The following PHC1 variants were observed in gnomAD, a reference collection of about 807,000 sequenced individuals.
PHC1 encodes polyhomeotic-like protein 1.
Under a neutral mutation model 104.3 loss-of-function variants are expected in PHC1, and 12 were observed. The ratio of observed to expected loss-of-function variants is 0.12; its 90% CI spans 0.07 to 0.19. The LOEUF (loss-of-function observed/expected upper bound fraction) is 0.19. Among genes scored for constraint, PHC1 ranks in the 10% least tolerant of loss-of-function variants. The probability of loss-of-function intolerance (pLI) is 1.00; values close to 1 mark genes in which losing one functional copy is unlikely to be tolerated. For synonymous variants in PHC1, 302 were observed against 455.8 expected (o/e 0.66, Z 4.30); for missense variants, 671 against 1,200.0 (o/e 0.56, Z 6.51).
At position 8,931,788 on chromosome 12, in the gene PHC1, A is replaced by T. The variant is rs182847106; in HGVS notation, c.1106-775A>T. ...TTGATTTTTGCCTTTTTTTGTTTCT[A>T]GTACCTTAGTTGTTGATGTATTTAG... On this transcript the variant is annotated intron_variant, in intron 7 of 14. Transcript: ENST00000544916. Among the ~76,000 whole-genome samples, 150 of 152,300 alleles carry T rather than the reference A, an allele frequency of 9.8e-4. 1 individual carries two copies. Among genetic ancestry groups the T allele is most frequent in the African/African-American group, 3.3e-3 (136 of 41,568 alleles).
At chr12:8,938,194 T>C (rs953872994) in intron 14 of PHC1, 134 bp downstream of exon 14, 7 of 622,968 alleles carry the variant, frequency 1.1e-5, no homozygotes, top group East Asian at 2.7e-5. Context: ...CTACTCCTAA[T>C]ATTCAAGTTG....
At position 8,936,971 on chromosome 12, in the gene PHC1, T is replaced by G. The variant is rs1945854985; in HGVS notation, c.2477+7T>G. 1 of 1,591,794 alleles carries G rather than the reference T, an allele frequency of 6.3e-7. No homozygotes were observed. Among genetic ancestry groups the G allele is most frequent in the East Asian group, 2.2e-5 (1 of 44,760 alleles). ...CCATGACTTGCGCTAAGAGGTACTCTGGGCACCCTCCTCCTTGCCCTCAGC... is the reference window on the plus strand; with the variant it reads ...CCATGACTTGCGCTAAGAGGTACTCGGGGCACCCTCCTCCTTGCCCTCAGC... On this transcript the variant is annotated splice_region_variant and intron_variant, in intron 12 of 14. Coordinates refer to ENST00000544916, the MANE Select transcript of PHC1 (RefSeq NM_004426.3).
chr12:8,920,147 C>G (rs963616607), intron 3 of PHC1, among the ~76,000 whole-genome samples: 1 of 152,078 alleles, frequency 6.6e-6, no homozygotes, highest in South Asian at 2.1e-4. Context: ...TGAAATGTGG[C>G]TAGTCTAAAT....
At chr12:8,926,895 A>G (rs1376594392) in intron 6 of PHC1, among the ~76,000 whole-genome samples, 1 of 150,844 alleles carries the variant, frequency 6.6e-6, no homozygotes, top group Non-Finnish European at 1.5e-5. Flanking sequence ...AGCCTGGGCA[A>G]CGAGGGCGAA....
chr12:8,935,314 TAG>T (rs1200855527), intron 11 of PHC1, 76 bp downstream of exon 11: 8 of 635,482 alleles, frequency 1.3e-5, no homozygotes, highest in Non-Finnish European at 2.1e-5. Flanking sequence ...TGTAAAATAG[TAG>T]TTACCTATTT....
chr12:8,923,554 C>T (rs1393016032), intron 6 of PHC1, among the ~76,000 whole-genome samples: 1 of 152,070 alleles, frequency 6.6e-6, no homozygotes, highest in Non-Finnish European at 1.5e-5. Flanking sequence ...AAAGGCCGGG[C>T]GCGGTGGCTC....
chr12:8,916,889 G>A (rs1322724130), intron 1 of PHC1, among the ~76,000 whole-genome samples: 2 of 152,152 alleles, frequency 1.3e-5, no homozygotes, highest in African/African-American at 4.8e-5. Flanking sequence ...TATGTGGGCT[G>A]TAGGTGAGCT....
At chr12:8,930,062 C>T (rs1392034435) in intron 6 of PHC1, among the ~76,000 whole-genome samples, 1 of 152,182 alleles carries the variant, frequency 6.6e-6, no homozygotes. Flanking sequence ...AGAAAGTAAT[C>T]ATTAAGAGCA....
intron 12 of PHC1, 38 bp downstream of exon 12, chr12:8,937,002 T>C (rs776874688): frequency 1.4e-6 from 2 of 1,440,650 alleles, no homozygotes; most frequent in Non-Finnish European, 2.0e-6. Flanking sequence ...TCAGCACTGG[T>C]ATCTCCATCT....
At chr12:8,915,318 G>A (rs1945170233) in intron 1 of PHC1, 1 of 152,038 alleles carries the variant, frequency 6.6e-6, no homozygotes, top group Admixed American at 6.6e-5. Context: ...GTTCTATATA[G>A]AACGAGGACC....
intron 7 of PHC1, among the ~76,000 whole-genome samples, chr12:8,931,730 T>C (rs138235396): frequency 1.8e-4 from 28 of 152,278 alleles, no homozygotes; most frequent in South Asian, 1.5e-3. Flanking sequence ...GCGGGTAAGA[T>C]GTAGTTAGAT....
Position 8,934,492 on chromosome 12 carries a change from C to T in PHC1, c.2253+14C>T, listed in dbSNP as rs770534360. ...GAACCTTTCCCGGTGAGGGCAGGGC[C>T]ATAAGGTGGGACTTTGAAGTGGGGA... On this transcript the variant is annotated intron_variant, in intron 10 of 14. Transcript: ENST00000544916. 3.1e-6 allele frequency: 5 copies of T among 1,600,510 alleles called. 1 individual carries two copies. In the South Asian group the frequency reaches 5.6e-5, roughly 18 times the overall value.
At chr12:8,925,761 G>A (rs967590130) in intron 6 of PHC1, among the ~76,000 whole-genome samples, 2 of 152,160 alleles carry the variant, frequency 1.3e-5, no homozygotes, top group Admixed American at 6.5e-5. Context: ...GCAATTGGAA[G>A]CTATAGAAGG....
chr12:8,937,393 T>A, intron 13 of PHC1, 67 bp downstream of exon 13: 5 of 1,374,158 alleles, frequency 3.6e-6, no homozygotes, highest in Non-Finnish European at 4.9e-6. Context: ...TGCAGGGCAA[T>A]TCATTTGCCC....
rs1945295653 is a variant in PHC1 at position 8,919,456 on chromosome 12, G to T, written c.115-300G>T. Among the ~76,000 whole-genome samples, 1 of 152,184 alleles carries T rather than the reference G, an allele frequency of 6.6e-6. No individual in the cohort carries two copies. The highest frequency in any genetic ancestry group is 2.4e-5 in the African/African-American group (1 of 41,458). ...TAAAAAAAATTAGCTGGACATGGTG[G>T]TGCATACCTATAGTCCTAGCTACTT... On this transcript the variant is annotated intron_variant, in intron 2 of 14. Coordinates refer to ENST00000544916, the MANE Select transcript of PHC1 (RefSeq NM_004426.3). The surrounding 1 kb of genome is among the most constrained non-coding windows in gnomAD (Gnocchi z 4.9).
At chr12:8,938,763 A>C (rs1308232448) in intron 14 of PHC1, among the ~76,000 whole-genome samples, 1 of 152,032 alleles carries the variant, frequency 6.6e-6, no homozygotes, top group African/African-American at 2.4e-5. Flanking sequence ...TATTTGAATG[A>C]AGTTATTTCT....
chr12:8,937,561 G>A (rs971048623), intron 13 of PHC1, among the ~76,000 whole-genome samples: 9 of 151,942 alleles, frequency 5.9e-5, no homozygotes, highest in Non-Finnish European at 1.3e-4. Context: ...ATTGTTAATT[G>A]TACTCAATTG....
intron 11 of PHC1, among the ~76,000 whole-genome samples, chr12:8,936,559 C>A (rs746630917): frequency 3.3e-5 from 5 of 152,156 alleles, no homozygotes; most frequent in Non-Finnish European, 5.9e-5. Context: ...TAGTTCCTCT[C>A]TCCTCAGAAA....
At chr12:8,923,060 T>TGA (rs1322616487) in intron 6 of PHC1, among the ~76,000 whole-genome samples, 1 of 152,242 alleles carries the variant, frequency 6.6e-6, no homozygotes, top group Non-Finnish European at 1.5e-5. Flanking sequence ...ACCATCCTTC[T>TGA]AGTCCTCTGT....
Sources: allele counts gnomAD v4.1 joint callset (sites outside exome capture counted in the v4.1 genomes callset), GRCh38; gene constraint gnomAD v4.1.1; non-coding constraint Gnocchi (gnomAD v3.1); transcripts MANE v1.5; gene names NCBI Gene and HGNC (gene_info 2026-07-23, HGNC 2026-07-21).